Variants in TMEM67 observed in about 807,000 individuals in gnomAD.
TMEM67 encodes the protein meckelin.
A neutral mutation model predicts 136.6 loss-of-function variants in TMEM67; 124 were observed. The ratio of observed to expected loss-of-function variants is 0.91; its 90% CI spans 0.78 to 1.05. The LOEUF is 1.05. Ranked by LOEUF, TMEM67 falls within the 50% of genes least tolerant of loss-of-function variation. TMEM67 has a pLI of 0.00. For missense variants in TMEM67, 1,107 were observed against 1,178.4 expected (o/e 0.94, Z 0.89); for synonymous variants, 364 against 390.5 (o/e 0.93, Z 0.80).
At chr8:93,830,229 A>G in the TMEM67 span, among the ~76,000 whole-genome samples, 1 of 152,200 alleles carries the variant, frequency 6.6e-6, no homozygotes, top group East Asian at 1.9e-4. Flanking sequence ...GGCTGAGCAC[A>G]TGAGATTCCT....
At position 93,780,581 on chromosome 8, in the gene TMEM67, G is replaced by T. The variant is rs1237314532; in HGVS notation, c.715-12G>T. ...GTTCATGTTACTTTTCTTTGCCATT[G>T]TTCTGTTGTAGGTATATGCCAATCT... On this transcript the variant is annotated splice_polypyrimidine_tract_variant and intron_variant, in intron 7 of 27. Coordinates refer to ENST00000453321, the MANE Select transcript of TMEM67 (RefSeq NM_153704.6). 8 of 1,613,894 alleles carry T rather than the reference G, an allele frequency of 5.0e-6. No individual in the cohort carries two copies. Among genetic ancestry groups the T allele is most frequent in the Non-Finnish European group, 6.8e-6 (8 of 1,180,012 alleles).
the TMEM67 span, among the ~76,000 whole-genome samples, chr8:93,829,382 C>CTCTCTCTCTCTG: frequency 1.3e-4 from 18 of 137,504 alleles, no homozygotes; most frequent in African/African-American, 4.9e-4. Flanking sequence ...CTCTCTCTCT[C>CTCTCTCTCTCTG]TGTGTGTGTG....
rs777641401 is a variant in TMEM67 at position 93,785,310 on chromosome 8, A to G, written c.1220A>G (p.His407Arg). Reference sequence around the variant, plus strand: ...CTTGAATATACTGATGAAAATCAACATCAATATATTTTGGCTGTGCCTGTG... The same window carrying G: ...CTTGAATATACTGATGAAAATCAACGTCAATATATTTTGGCTGTGCCTGTG... ...VYLEYTDENQ[H>R]QYILAVPVLN... The change falls in exon 12 of 28, where the codon CAT (histidine) becomes CGT (arginine). Residue 407 changes from histidine (H) to arginine (R), a missense_variant. This residue lies in a region of TMEM67 where 925 missense variants were observed against 1,002.4 expected (regional missense o/e 0.92). Transcript: ENST00000453321. 5 of 1,607,022 alleles carry G rather than the reference A, an allele frequency of 3.1e-6. No homozygotes were observed. In the African/African-American group the frequency reaches 5.3e-5, roughly 17 times the overall value.
chr8:93,755,013 C>G lies in TMEM67; in HGVS notation c.99C>G (p.Phe33Leu), dbSNP rs1812502098. The G allele has an allele frequency of 1.2e-6, 2 of 1,614,236 alleles. No individual in the cohort carries two copies. The highest frequency in any genetic ancestry group is 4.5e-5 in the East Asian group (2 of 44,890). The change falls in exon 1 of 28, where the codon TTC becomes TTG. Residue 33 changes from phenylalanine (F) to leucine (L), a missense_variant. By Grantham distance (22) the Phe-to-Leu change is conservative. Coordinates refer to ENST00000453321, the MANE Select transcript of TMEM67 (RefSeq NM_153704.6). ...TAFLLLFLPR[F>L]LQAQTFSFPF... ...TCCTTCTGTTGTTCCTCCCTCGCTT[C>G]TTACAGGCCCAGACCTTCTCTTTCC...
chr8:93,780,445 C>A, intron 7 of TMEM67, 148 bp from the exon 8 acceptor site: 1 of 818,190 alleles, frequency 1.2e-6, no homozygotes, highest in Non-Finnish European at 2.1e-6. Flanking sequence ...CACCTGCCTT[C>A]TGCGTTGATT....
chr8:93,809,789 A>G lies in TMEM67; in HGVS notation c.2666A>G (p.His889Arg). 1.3e-6 allele frequency: 2 copies of G among 1,544,834 alleles called. No homozygotes were observed. Among genetic ancestry groups the G allele is most frequent in the Non-Finnish European group, 1.8e-6 (2 of 1,117,798 alleles). ...KFLGSFIDHV[H>R]KEMDYFIKDK... ...TGCTGTCTTTTTCTTTATTAGGTTCATAAGGAAATGGATTACTTTATAAAA... is the reference window on the plus strand; with the variant it reads ...TGCTGTCTTTTTCTTTATTAGGTTCGTAAGGAAATGGATTACTTTATAAAA... Residue 889 changes from histidine (H) to arginine (R), a missense_variant, in exon 26 of 28, where the codon CAT becomes CGT. Around this residue, in one of 3 missense-constraint regions of TMEM67, gnomAD observed 925 missense variants for 1,002.4 expected, o/e 0.92. Transcript: ENST00000453321.
intron 22 of TMEM67, 135 bp from the exon 23 acceptor site, chr8:93,804,627 T>C (rs1815044498): frequency 1.7e-6 from 1 of 591,600 alleles, no homozygotes; most frequent in Non-Finnish European, 3.0e-6. Flanking sequence ...CATTACTTTA[T>C]TATCCTCTTT....
At chr8:93,812,418 G>T (rs1298779218) in intron 26 of TMEM67, among the ~76,000 whole-genome samples, 1 of 152,158 alleles carries the variant, frequency 6.6e-6, no homozygotes, top group Non-Finnish European at 1.5e-5. Flanking sequence ...GCAGTTCGAG[G>T]CTGCAGTGAG....
intron 17 of TMEM67, 97 bp downstream of exon 17, chr8:93,795,604 T>TC: frequency 8.9e-7 from 1 of 1,127,830 alleles, no homozygotes; most frequent in Non-Finnish European, 1.3e-6. Flanking sequence ...GAATTTTTGA[T>TC]CAACAGTATT....
At chr8:93,811,037 A>G (rs1055914209) in intron 26 of TMEM67, among the ~76,000 whole-genome samples, 5 of 152,196 alleles carry the variant, frequency 3.3e-5, no homozygotes, top group African/African-American at 1.2e-4. Flanking sequence ...TCATTTACCC[A>G]TATGTTATTG....
chr8:93,808,789 C>T (rs1370647402), intron 23 of TMEM67, 51 bp from the exon 24 acceptor site: 10 of 1,182,524 alleles, frequency 8.5e-6, no homozygotes, highest in East Asian at 7.0e-5. Flanking sequence ...CTTTTTGAGG[C>T]AGGAAATTTT....
chr8:93,801,418 T>G (rs1452709146), intron 21 of TMEM67, among the ~76,000 whole-genome samples: 1 of 149,248 alleles, frequency 6.7e-6, no homozygotes, highest in Non-Finnish European at 1.5e-5. Flanking sequence ...TTTTTTTTTT[T>G]GAGACAGAGT....
chr8:93,812,173 AAAG>A (rs1808729977), intron 26 of TMEM67, among the ~76,000 whole-genome samples: 1 of 151,998 alleles, frequency 6.6e-6, no homozygotes, highest in Non-Finnish European at 1.5e-5. Context: ...AAAGTAAAGA[AAAG>A]AAAAAGAAAC....
chr8:93,791,043 G>A (rs1199879656), intron 14 of TMEM67, among the ~76,000 whole-genome samples: 2 of 152,092 alleles, frequency 1.3e-5, no homozygotes, highest in Admixed American at 1.3e-4. Flanking sequence ...CTCCTAATGA[G>A]CCCCTTTTTT....
chr8:93,815,521 A>G, intron 27 of TMEM67, 74 bp downstream of exon 27: 1 of 1,355,420 alleles, frequency 7.4e-7, no homozygotes, highest in South Asian at 1.2e-5. Flanking sequence ...ATATTTTCAT[A>G]GCAGAGAGTA....
intron 26 of TMEM67, chr8:93,810,104 G>A (rs1204734346): frequency 2.7e-6 from 1 of 377,122 alleles, no homozygotes; most frequent in Admixed American, 4.4e-5. Flanking sequence ...AAGTAGCTGG[G>A]ACTACAGGCG....
rs747182514 is a variant in TMEM67, at chr8:93,763,920, T to C, written c.485T>C (p.Val162Ala). ...LCDGNENSFM[V>A]VNALGDRCVR... ...GATGGAAATGAAAACTCTTTTATGG[T>C]AGTAAATGCTTTAGGAGACAGGTAA... The change falls in exon 4 of 28, where the codon GTA becomes GCA. Residue 162 changes from valine to alanine, a missense_variant. This residue lies in a region of TMEM67 where 925 missense variants were observed against 1,002.4 expected (regional missense o/e 0.92). Coordinates refer to ENST00000453321, the MANE Select transcript of TMEM67 (RefSeq NM_153704.6). 13 of 1,613,102 alleles carry C rather than the reference T, an allele frequency of 8.1e-6. No individual in the cohort carries two copies. In the South Asian group the frequency reaches 1.4e-4, roughly 18 times the overall value.
chr8:93,777,850 C>T (rs1813624895), intron 7 of TMEM67, among the ~76,000 whole-genome samples: 1 of 152,166 alleles, frequency 6.6e-6, no homozygotes, highest in Admixed American at 6.6e-5. Flanking sequence ...GTGGAGAGTT[C>T]TGTAGGTGTC....
chr8:93,780,449 G>C, intron 7 of TMEM67, 144 bp from the exon 8 acceptor site: 1 of 844,218 alleles, frequency 1.2e-6, no homozygotes, highest in South Asian at 1.4e-5. Flanking sequence ...TGCCTTCTGC[G>C]TTGATTATGC....
Sources: allele counts gnomAD v4.1 joint callset (sites outside exome capture counted in the v4.1 genomes callset), GRCh38; gene constraint gnomAD v4.1.1; regional missense constraint gnomAD v4.1.1; transcripts MANE v1.5; gene names NCBI Gene and HGNC (gene_info 2026-07-23, HGNC 2026-07-21).